CTNND2: variants seen among roughly 807,000 people sequenced by gnomAD.
CTNND2 encodes the protein catenin delta-2.
Under a neutral mutation model 144.4 loss-of-function variants are expected in CTNND2, and 22 were observed. That is an observed-to-expected ratio of 0.15 (90% CI 0.11 to 0.22). CTNND2 has a LOEUF of 0.22. CTNND2 is among the 10% of genes least tolerant of loss of function. CTNND2 has a pLI of 1.00. For missense variants in CTNND2, 1,353 were observed against 1,618.8 expected (o/e 0.84, Z 2.82); for synonymous variants, 751 against 695.6 (o/e 1.08, Z -1.25).
intron 2 of CTNND2, among the ~76,000 whole-genome samples, chr5:11,600,755 C>A: frequency 6.8e-6 from 1 of 147,054 alleles, no homozygotes; most frequent in African/African-American, 2.5e-5. Flanking sequence ...AATTGTATTT[C>A]AAAATTATTG....
chr5:11,128,752 A>G (rs1324048025), intron 12 of CTNND2, among the ~76,000 whole-genome samples: 3 of 40,586 alleles, frequency 7.4e-5, no homozygotes, highest in African/African-American at 3.7e-4. Flanking sequence ...TATATATATT[A>G]TATATAAATA....
intron 3 of CTNND2, among the ~76,000 whole-genome samples, chr5:11,501,779 C>T (rs571080596): frequency 6.6e-6 from 1 of 151,574 alleles, no homozygotes; most frequent in African/African-American, 2.4e-5. Flanking sequence ...GAGGCCGAGA[C>T]GGGCAGATCA....
intron 3 of CTNND2, among the ~76,000 whole-genome samples, chr5:11,444,835 A>C (rs1426441975): frequency 6.6e-6 from 1 of 152,174 alleles, no homozygotes; most frequent in African/African-American, 2.4e-5. Context: ...TAAAGCCTTG[A>C]GCTGTGCTGA....
chr5:11,276,016 C>A (rs1231310803), intron 9 of CTNND2, among the ~76,000 whole-genome samples: 1 of 152,140 alleles, frequency 6.6e-6, no homozygotes, highest in African/African-American at 2.4e-5. Flanking sequence ...AACCTTATTT[C>A]TTTATATAAT....
rs61271659 is a variant in CTNND2 at position 11,300,624 on chromosome 5, C to CT, written c.1628+45747dup. Among the ~76,000 whole-genome samples the CT allele has an allele frequency of 4.0e-3, 587 of 146,334 alleles. 2 individuals are homozygous for CT. The highest frequency in any genetic ancestry group is 0.011 in the Middle Eastern group (3 of 280). On this transcript the variant is annotated intron_variant, in intron 9 of 21. Coordinates refer to ENST00000304623, the MANE Select transcript of CTNND2 (RefSeq NM_001332.4). ...TTAAATTTGCATTTTAGACAAACAACTTTTTTTTTTTTTTAAGTGAAAGTA... is the reference window on the plus strand; with the variant it reads ...TTAAATTTGCATTTTAGACAAACAACTTTTTTTTTTTTTTTAAGTGAAAGTA...
intron 20 of CTNND2, 67 bp from the exon 21 acceptor site, chr5:10,981,913 T>C (rs1737331854): frequency 1.1e-5 from 15 of 1,359,638 alleles, no homozygotes; most frequent in Middle Eastern, 2.1e-4. Context: ...ATAGTTGTTA[T>C]TGAAGCAAGT....
At chr5:11,692,878 G>A (rs1282978725) in intron 2 of CTNND2, among the ~76,000 whole-genome samples, 3 of 152,136 alleles carry the variant, frequency 2.0e-5, no homozygotes, top group Admixed American at 1.3e-4. Context: ...CTGGGATTAC[G>A]GGCATGGGCC....
intron 2 of CTNND2, among the ~76,000 whole-genome samples, chr5:11,637,270 G>A (rs964528026): frequency 3.9e-5 from 6 of 152,120 alleles, no homozygotes; most frequent in South Asian, 2.1e-4. Flanking sequence ...CCAATGAACC[G>A]TTTGGACAAA....
chr5:11,811,895 T>C (rs1180615740), intron 1 of CTNND2, among the ~76,000 whole-genome samples: 1 of 152,156 alleles, frequency 6.6e-6, no homozygotes, highest in Non-Finnish European at 1.5e-5. Flanking sequence ...CAGAGAAAAA[T>C]ATGGAAGTGC....
intron 5 of CTNND2, among the ~76,000 whole-genome samples, chr5:11,404,599 ATTCTTTTT>A (rs1760922265): frequency 3.1e-5 from 1 of 32,770 alleles, no homozygotes. Flanking sequence ...CAGTATCTGT[ATTCTTTTT>A]TTTTTTTTTT....
chr5:11,663,341 T>C (rs1783382855), intron 2 of CTNND2, among the ~76,000 whole-genome samples: 1 of 152,202 alleles, frequency 6.6e-6, no homozygotes, highest in Non-Finnish European at 1.5e-5. Context: ...GAAATTGAGT[T>C]TTCCATTCCT....
chr5:11,861,318 C>T (rs1359060792), intron 1 of CTNND2, among the ~76,000 whole-genome samples: 2 of 152,206 alleles, frequency 1.3e-5, no homozygotes, highest in African/African-American at 4.8e-5. Flanking sequence ...ATAACAGAAC[C>T]GCAAAATAAA....
Position 11,191,342 on chromosome 5 carries a change from GC to G in CTNND2, c.1975+8105del, listed in dbSNP as rs1459444618. 4.6e-5 allele frequency among the ~76,000 whole-genome samples: 7 copies of G among 152,324 alleles called. No individual in the cohort carries two copies. In the South Asian group the frequency reaches 1.4e-3, roughly 32 times the overall value. On this transcript the variant is annotated intron_variant, in intron 11 of 21. Transcript: ENST00000304623. ...CTAACAAACCACAGGACAGTGGAAG[GC>G]TTGTCACGGGACAGAACACACTCAT... is the stretch of plus-strand genomic sequence containing the variant.
intron 3 of CTNND2, among the ~76,000 whole-genome samples, chr5:11,473,600 TG>T (rs1248745063): frequency 1.3e-5 from 2 of 152,138 alleles, no homozygotes; most frequent in African/African-American, 4.8e-5. Flanking sequence ...CTACAGGAAA[TG>T]GCTCCATCGC....
chr5:11,558,341 C>CACGTGTGTGTGTGT (rs1554083650), intron 3 of CTNND2, among the ~76,000 whole-genome samples: 41 of 132,220 alleles, frequency 3.1e-4, no homozygotes, highest in Admixed American at 1.3e-3. Context: ...GTGAGAAACA[C>CACGTGTGTGTGTGT]GTGTGTGTGT....
chr5:11,630,541 A>G (rs532301425), intron 2 of CTNND2, among the ~76,000 whole-genome samples: 2 of 152,290 alleles, frequency 1.3e-5, no homozygotes, highest in African/African-American at 4.8e-5. Flanking sequence ...GAAGAATTCT[A>G]CTTTGGTTTG....
intron 11 of CTNND2, among the ~76,000 whole-genome samples, chr5:11,190,288 C>T (rs1230277446): frequency 1.3e-5 from 2 of 152,194 alleles, no homozygotes. Flanking sequence ...AGGAACTTGT[C>T]CAAGGCACTA....
intron 1 of CTNND2, among the ~76,000 whole-genome samples, chr5:11,819,087 T>C (rs1793171610): frequency 6.6e-6 from 1 of 152,198 alleles, no homozygotes; most frequent in African/African-American, 2.4e-5. Flanking sequence ...ACAGTATCTG[T>C]ACAGTAGACA....
chr5:11,595,179 G>A (rs1021843231), intron 2 of CTNND2, among the ~76,000 whole-genome samples: 1 of 151,980 alleles, frequency 6.6e-6, no homozygotes, highest in Non-Finnish European at 1.5e-5. Context: ...TGCAGGAGGT[G>A]GTAAGGAAAA....
Sources: allele counts gnomAD v4.1 joint callset (sites outside exome capture counted in the v4.1 genomes callset), GRCh38; gene constraint gnomAD v4.1.1; transcripts MANE v1.5; gene names NCBI Gene and HGNC (gene_info 2026-07-23, HGNC 2026-07-21).